The following PRKCB variants were observed in gnomAD, a reference collection of about 807,000 sequenced individuals.
PRKCB encodes protein kinase C beta.
A neutral mutation model predicts 81.5 loss-of-function variants in PRKCB; 13 were observed. The ratio of observed to expected loss-of-function variants is 0.16; its 90% CI spans 0.10 to 0.25. The LOEUF is 0.25. PRKCB is among the 10% of genes least tolerant of loss of function. The pLI is 1.00. For missense variants in PRKCB, 509 were observed against 875.7 expected, an observed-to-expected ratio of 0.58 and a Z score of 5.29; for synonymous variants, 335 against 321.4, an observed-to-expected ratio of 1.04 and a Z score of -0.45.
intron 9 of PRKCB, among the ~76,000 whole-genome samples, chr16:24,130,344 G>C (rs1349954065): frequency 6.6e-6 from 1 of 152,186 alleles, no homozygotes; most frequent in Non-Finnish European, 1.5e-5. Flanking sequence ...TGCCCTGGTT[G>C]AAGCCAGAGA....
intron 16 of PRKCB, among the ~76,000 whole-genome samples, chr16:24,210,404 G>C (rs1014857052): frequency 1.3e-5 from 2 of 152,094 alleles, no homozygotes; most frequent in Admixed American, 1.3e-4. Context: ...GACATCCAAA[G>C]GGCACCCTCT....
intron 2 of PRKCB, chr16:23,963,033 A>G (rs1352257870): frequency 6.6e-6 from 1 of 152,206 alleles, no homozygotes; most frequent in Non-Finnish European, 1.5e-5. Context: ...CCTTAGAACA[A>G]TGGCCTCCAA....
intron 2 of PRKCB, chr16:23,963,741 A>G (rs1964453757): frequency 6.6e-6 from 1 of 152,188 alleles, no homozygotes. Context: ...TAAGGTTAGC[A>G]AGGGGCTTGT....
At chr16:23,836,655 G>A (rs979672482) in intron 1 of PRKCB, among the ~76,000 whole-genome samples, 13 of 151,940 alleles carry the variant, frequency 8.6e-5, no homozygotes, top group Admixed American at 7.2e-4. Flanking sequence ...AGGAGCGCGC[G>A]GGGTCTGTGC....
intron 2 of PRKCB, among the ~76,000 whole-genome samples, chr16:23,890,720 T>TC (rs1772679123): frequency 1.3e-5 from 2 of 152,168 alleles, no homozygotes; most frequent in South Asian, 4.1e-4. Flanking sequence ...GGACACTTCC[T>TC]CCCCATCCTG....
At chr16:23,853,228 C>G (rs1303896351) in intron 2 of PRKCB, among the ~76,000 whole-genome samples, 1 of 152,218 alleles carries the variant, frequency 6.6e-6, no homozygotes, top group Non-Finnish European at 1.5e-5. Flanking sequence ...AACAGACAAA[C>G]CTTGAAGTCT....
chr16:24,005,580 C>T (rs189888726), intron 3 of PRKCB, among the ~76,000 whole-genome samples: 88 of 152,316 alleles, frequency 5.8e-4, no homozygotes, highest in African/African-American at 2.9e-4. Context: ...GTCCTCCATC[C>T]GCTGGGAGTC....
intron 7 of PRKCB, chr16:24,111,259 T>G (rs1447297871): frequency 1.3e-5 from 2 of 152,180 alleles, no homozygotes; most frequent in Non-Finnish European, 2.9e-5. Flanking sequence ...CCTAGCCCAT[T>G]TTTGGAAGCT....
chr16:23,962,126 T>G (rs187508692), intron 2 of PRKCB, among the ~76,000 whole-genome samples: 1 of 152,258 alleles, frequency 6.6e-6, no homozygotes, highest in Non-Finnish European at 1.5e-5. Flanking sequence ...CCTGCCTGAG[T>G]AGGACTCTGA....
chr16:24,000,412 T>C (rs1048530171), intron 3 of PRKCB, among the ~76,000 whole-genome samples: 7 of 152,230 alleles, frequency 4.6e-5, no homozygotes, highest in Admixed American at 4.6e-4. Flanking sequence ...GTTAAGAGTA[T>C]GGACTCTGAA....
chr16:23,958,189 GC>G (rs777572448), intron 2 of PRKCB, among the ~76,000 whole-genome samples: 9 of 151,768 alleles, frequency 5.9e-5, no homozygotes, highest in Admixed American at 1.3e-4. Context: ...ACAGGGTTTC[GC>G]CATGTTGGCC....
At chr16:24,195,077 C>A (rs1476466980) in intron 16 of PRKCB, among the ~76,000 whole-genome samples, 2 of 152,042 alleles carry the variant, frequency 1.3e-5, no homozygotes, top group African/African-American at 2.4e-5. Flanking sequence ...ATAGCATCCA[C>A]CTGTAGTCCC....
At chr16:24,140,308 T>C (rs1171491328) in intron 9 of PRKCB, among the ~76,000 whole-genome samples, 1 of 152,172 alleles carries the variant, frequency 6.6e-6, no homozygotes, top group African/African-American at 2.4e-5. Flanking sequence ...TAGGAGAGCC[T>C]CAAAAGTGAA....
intron 9 of PRKCB, among the ~76,000 whole-genome samples, chr16:24,131,066 G>A (rs1294572549): frequency 3.3e-5 from 5 of 152,182 alleles, no homozygotes; most frequent in South Asian, 2.1e-4. Context: ...CATGGAGCAC[G>A]CCAGGTGTTA....
At chr16:23,975,899 C>T (rs2560402) in intron 2 of PRKCB, among the ~76,000 whole-genome samples, 1 of 152,056 alleles carries the variant, frequency 6.6e-6, no homozygotes, top group African/African-American at 2.4e-5. Context: ...GGAAAAGAGG[C>T]ATTTATTGGC....
At chr16:23,931,262 T>C (rs1275703178) in intron 2 of PRKCB, among the ~76,000 whole-genome samples, 1 of 152,206 alleles carries the variant, frequency 6.6e-6, no homozygotes, top group Non-Finnish European at 1.5e-5. Flanking sequence ...CCCAAGATTC[T>C]GGAGCTAAAG....
intron 12 of PRKCB, among the ~76,000 whole-genome samples, chr16:24,179,015 A>C (rs1252774899): frequency 6.6e-6 from 1 of 152,164 alleles, no homozygotes; most frequent in Non-Finnish European, 1.5e-5. Context: ...TGCTTTCTCT[A>C]TATTAGATTG....
chr16:23,900,238 C>T (rs1963449023), intron 2 of PRKCB, among the ~76,000 whole-genome samples: 1 of 152,110 alleles, frequency 6.6e-6, no homozygotes, highest in Non-Finnish European at 1.5e-5. Context: ...GATCTAACTG[C>T]TTATGACATA....
intron 5 of PRKCB, among the ~76,000 whole-genome samples, chr16:24,071,031 T>G (rs1487890968): frequency 6.6e-6 from 1 of 152,134 alleles, no homozygotes; most frequent in Admixed American, 6.6e-5. Context: ...GGGAACCATC[T>G]GGACAAAGGG....
Sources: gnomAD v4.1 joint callset for allele counts (sites outside exome capture counted in the v4.1 genomes callset) on GRCh38, gnomAD v4.1.1 for gene constraint, MANE v1.5 for transcripts, NCBI Gene and HGNC (gene_info 2026-07-23, HGNC 2026-07-21) for gene names.